PTPRO: variants seen among roughly 807,000 people sequenced by gnomAD.
PTPRO encodes receptor-type tyrosine-protein phosphatase O.
A neutral mutation model predicts 145.2 loss-of-function variants in PTPRO; 62 were observed. That is an observed-to-expected ratio of 0.43 (90% CI 0.35 to 0.53). The LOEUF (loss-of-function observed/expected upper bound fraction) is 0.53. PTPRO is among the 20% of genes least tolerant of loss of function. The pLI is 0.01. For missense variants in PTPRO, 1,345 were observed against 1,482.7 expected (o/e 0.91, Z 1.53); for synonymous variants, 565 against 514.7 (o/e 1.10, Z -1.32).
At chr12:15,557,428 C>T (rs779279606) in intron 15 of PTPRO, 27 bp from the exon 16 acceptor site, 7 of 1,600,774 alleles carry the variant, frequency 4.4e-6, no homozygotes, top group Admixed American at 3.3e-5. Flanking sequence ...AAGCAGTAAC[C>T]TTGATTTTGT....
chr12:15,570,142 G>T (rs1407522241), intron 19 of PTPRO, among the ~76,000 whole-genome samples: 2 of 152,168 alleles, frequency 1.3e-5, no homozygotes, highest in Non-Finnish European at 2.9e-5. Context: ...GGAAGTGAGT[G>T]AGTCTAATAT....
intron 1 of PTPRO, among the ~76,000 whole-genome samples, chr12:15,379,794 T>A (rs1218981203): frequency 6.6e-6 from 1 of 152,078 alleles, no homozygotes; most frequent in African/African-American, 2.4e-5. Context: ...GGGGGATGAC[T>A]GGTAATGTAG....
intron 2 of PTPRO, among the ~76,000 whole-genome samples, chr12:15,485,192 A>AT (rs1000459247): frequency 2.6e-5 from 4 of 152,120 alleles, no homozygotes; most frequent in Admixed American, 2.6e-4. Flanking sequence ...TAGAGGACAT[A>AT]TTTTTAACAC....
At chr12:15,364,518 A>G (rs952931627) in intron 1 of PTPRO, among the ~76,000 whole-genome samples, 1 of 152,164 alleles carries the variant, frequency 6.6e-6, no homozygotes, top group Non-Finnish European at 1.5e-5. Context: ...AGAGTTTTCT[A>G]TTCCTATATC....
intron 12 of PTPRO, among the ~76,000 whole-genome samples, chr12:15,527,189 T>C (rs1942858050): frequency 6.6e-6 from 1 of 152,184 alleles, no homozygotes; most frequent in Admixed American, 6.5e-5. Context: ...ATGCGACCGA[T>C]TCCAGAGCCA....
intron 1 of PTPRO, among the ~76,000 whole-genome samples, chr12:15,481,416 T>G (rs1160981353): frequency 6.6e-6 from 1 of 152,242 alleles, no homozygotes; most frequent in Non-Finnish European, 1.5e-5. Context: ...AGAACTTAAG[T>G]GTCAAAATGA....
At chr12:15,464,010 T>C (rs1157093020) in intron 1 of PTPRO, among the ~76,000 whole-genome samples, 3 of 152,262 alleles carry the variant, frequency 2.0e-5, no homozygotes, top group Non-Finnish European at 4.4e-5. Context: ...CTGTGATAGA[T>C]GATAGGTGAG....
At chr12:15,573,494 T>A (rs1234219147) in intron 19 of PTPRO, among the ~76,000 whole-genome samples, 1 of 152,202 alleles carries the variant, frequency 6.6e-6, no homozygotes, top group East Asian at 1.9e-4. Context: ...TTTAATATTG[T>A]TATTTATTCT....
In PTPRO at chr12:15,516,744, C is replaced by A. The variant is rs141329471; in HGVS notation, c.1586-19C>A. 2.2e-4 allele frequency: 353 copies of A among 1,579,590 alleles called. No individual in the cohort carries two copies. The African/African-American group carries it at 4.4e-3, about 20-fold the overall frequency. ...CCTTCTTAACTTTCTTTTTCTACCC[C>A]CTGCCCTCTTCTTTCTAGTTCCCAC... is the stretch of plus-strand genomic sequence containing the variant. On this transcript the variant is annotated intron_variant, in intron 8 of 26. Coordinates refer to ENST00000281171, the MANE Select transcript of PTPRO (RefSeq NM_030667.3).
At chr12:15,386,926 C>A (rs1193870433) in intron 1 of PTPRO, among the ~76,000 whole-genome samples, 1 of 152,154 alleles carries the variant, frequency 6.6e-6, no homozygotes, top group Admixed American at 6.5e-5. Flanking sequence ...AATAGCTATG[C>A]CTTCTTTGCC....
At chr12:15,533,860 C>G (rs1339028138) in intron 12 of PTPRO, among the ~76,000 whole-genome samples, 1 of 152,132 alleles carries the variant, frequency 6.6e-6, no homozygotes, top group Admixed American at 6.5e-5. Context: ...TTCAATTTAT[C>G]TATAATAGAG....
At chr12:15,540,321 T>C (rs548284540) in intron 12 of PTPRO, among the ~76,000 whole-genome samples, 2 of 152,210 alleles carry the variant, frequency 1.3e-5, no homozygotes, top group Non-Finnish European at 2.9e-5. Flanking sequence ...CTTATGACAA[T>C]ATAGATGTTA....
rs144913374 is a variant in PTPRO at position 15,538,408 on chromosome 12, A to G, written c.2165-8161A>G. Among the ~76,000 whole-genome samples, 208 of 152,210 alleles carry G rather than the reference A, an allele frequency of 1.4e-3. 2 individuals are homozygous for G. In the East Asian group the frequency reaches 0.038, roughly 28 times the overall value. ...CCTGGCTAATTTTTGTATTTTTAGT[A>G]GAGATGGGGTTTCACCATTTTGGTC... On this transcript the variant is annotated intron_variant, in intron 12 of 26. Transcript: ENST00000281171.
At chr12:15,527,681 A>C (rs1253357077) in intron 12 of PTPRO, among the ~76,000 whole-genome samples, 1 of 152,208 alleles carries the variant, frequency 6.6e-6, no homozygotes, top group East Asian at 1.9e-4. Flanking sequence ...AGCCAAGGCA[A>C]ATCTGGACTT....
At chr12:15,452,138 T>C (rs556381197) in intron 1 of PTPRO, among the ~76,000 whole-genome samples, 1 of 151,838 alleles carries the variant, frequency 6.6e-6, no homozygotes, top group Non-Finnish European at 1.5e-5. Flanking sequence ...CCAAATAAGC[T>C]CAATTAGAAA....
At chr12:15,421,353 T>G (rs150700965) in intron 1 of PTPRO, among the ~76,000 whole-genome samples, 2 of 152,226 alleles carry the variant, frequency 1.3e-5, no homozygotes. Context: ...AGTAGTGCAA[T>G]AAATGTACTT....
At chr12:15,348,616 C>T (rs907211500) in intron 1 of PTPRO, 2 of 152,192 alleles carry the variant, frequency 1.3e-5, no homozygotes, top group Non-Finnish European at 2.9e-5. Flanking sequence ...GAAACCCCGT[C>T]TCTACTAAAA....
chr12:15,329,132 CAAT>C (rs1297431189), intron 1 of PTPRO, among the ~76,000 whole-genome samples: 1 of 152,168 alleles, frequency 6.6e-6, no homozygotes, highest in Non-Finnish European at 1.5e-5. Context: ...ACCATGCTCT[CAAT>C]ACTGTTCCTT....
chr12:15,430,494 T>A (rs1027347791), intron 1 of PTPRO, among the ~76,000 whole-genome samples: 1 of 152,126 alleles, frequency 6.6e-6, no homozygotes, highest in Non-Finnish European at 1.5e-5. Flanking sequence ...ACTGCAAAGA[T>A]AAGATGTGAC....
Sources: allele counts gnomAD v4.1 joint callset (sites outside exome capture counted in the v4.1 genomes callset), GRCh38; gene constraint gnomAD v4.1.1; transcripts MANE v1.5; gene names NCBI Gene and HGNC (gene_info 2026-07-23, HGNC 2026-07-21).